Variants in TSPAN11 observed in about 807,000 individuals in gnomAD.
TSPAN11 encodes tetraspanin 11.
A neutral mutation model predicts 32.9 loss-of-function variants in TSPAN11; 29 were observed. The observed-to-expected ratio is 0.88, with a 90% CI of 0.66 to 1.20. The LOEUF is 1.20. Ranked by LOEUF, TSPAN11 falls within the 50% of genes most tolerant of loss-of-function variation. The pLI, the probability that TSPAN11 is intolerant of heterozygous loss-of-function variation, is 0.00. For missense variants in TSPAN11, 283 were observed against 329.1 expected, an observed-to-expected ratio of 0.86 and a Z score of 1.08; for synonymous variants, 140 against 141.3, an observed-to-expected ratio of 0.99 and a Z score of 0.07.
intron 3 of TSPAN11, among the ~76,000 whole-genome samples, chr12:30,964,416 C>T (rs903914313): frequency 1.6e-4 from 25 of 151,814 alleles, no homozygotes; most frequent in Non-Finnish European, 3.2e-4. Context: ...TCCCCTTCTC[C>T]TCTCCCTCTC....
chr12:30,941,198 T>C (rs1262851552), intron 1 of TSPAN11, among the ~76,000 whole-genome samples: 44 of 152,178 alleles, frequency 2.9e-4, no homozygotes, highest in Admixed American at 2.9e-3. Flanking sequence ...GCAAAACCCA[T>C]ATATACAGAG....
chr12:30,971,223 T>G (rs1283851936), intron 3 of TSPAN11, among the ~76,000 whole-genome samples: 1 of 152,226 alleles, frequency 6.6e-6, no homozygotes, highest in African/African-American at 2.4e-5. Flanking sequence ...TTATTCAGAA[T>G]GGCTGGAGAT....
At chr12:31,009,111 G>A in the TSPAN11 span, among the ~76,000 whole-genome samples, 1 of 151,328 alleles carries the variant, frequency 6.6e-6, no homozygotes, top group East Asian at 1.9e-4. Flanking sequence ...CTCTTCCCCT[G>A]GAGCCTCCCC....
At chr12:30,945,866 G>T (rs1156674660) in intron 1 of TSPAN11, among the ~76,000 whole-genome samples, 1 of 152,128 alleles carries the variant, frequency 6.6e-6, no homozygotes, top group Non-Finnish European at 1.5e-5. Context: ...GGGCCTGCTG[G>T]CTCCCCCTGA....
chr12:30,959,610 C>T (rs1445465064), intron 2 of TSPAN11, among the ~76,000 whole-genome samples: 2 of 139,204 alleles, frequency 1.4e-5, no homozygotes, highest in African/African-American at 5.7e-5. Context: ...TGATTAAAAC[C>T]CAGGAAAAAA....
At chr12:30,958,124 T>G (rs1244539052) in intron 2 of TSPAN11, among the ~76,000 whole-genome samples, 3 of 151,998 alleles carry the variant, frequency 2.0e-5, no homozygotes, top group Admixed American at 6.6e-5. Flanking sequence ...GTTTGGAAGA[T>G]GAACAGGTGA....
At chr12:30,986,473 G>A (rs1327684419) in intron 7 of TSPAN11, among the ~76,000 whole-genome samples, 1 of 152,202 alleles carries the variant, frequency 6.6e-6, no homozygotes, top group African/African-American at 2.4e-5. Context: ...TTCAGGCAGG[G>A]ACAAGCCTAG....
the TSPAN11 span, among the ~76,000 whole-genome samples, chr12:31,014,897 C>T: frequency 6.6e-6 from 1 of 152,100 alleles, no homozygotes; most frequent in East Asian, 1.9e-4. Flanking sequence ...GAAAAGATGA[C>T]AATCACTTCT....
At chr12:30,966,726 T>G (rs989500971) in intron 3 of TSPAN11, among the ~76,000 whole-genome samples, 1 of 152,200 alleles carries the variant, frequency 6.6e-6, no homozygotes, top group Non-Finnish European at 1.5e-5. Context: ...TGGAGAGGTC[T>G]TCATGGAGCA....
rs147698132 is a variant in TSPAN11 at position 30,975,913 on chromosome 12, T to C, written c.277-2648T>C. On this transcript the variant is annotated intron_variant, in intron 3 of 7. Coordinates refer to ENST00000546076, the MANE Select transcript of TSPAN11 (RefSeq NM_001370302.1). This position sits in a 1 kb window ranked among gnomAD's most constrained non-coding sequence, Gnocchi z 4.5. ...CACTGGCATCAATGCCTTCAGGTCC[T>C]GTGCAGCAGGAGGGATCCGGCCTCA... Among the ~76,000 whole-genome samples, 1,222 of 152,280 alleles carry C rather than the reference T, an allele frequency of 8.0e-3. 7 individuals are homozygous for C. Among genetic ancestry groups the C allele is most frequent in the Non-Finnish European group, 0.013 (913 of 68,006 alleles).
intron 2 of TSPAN11, among the ~76,000 whole-genome samples, chr12:30,960,640 A>G (rs1257988823): frequency 1.3e-5 from 2 of 151,998 alleles, no homozygotes; most frequent in East Asian, 3.8e-4. Context: ...ATTACACAAC[A>G]GGGGTGACCT....
intron 1 of TSPAN11, among the ~76,000 whole-genome samples, chr12:30,931,626 TC>T (rs1446630117): frequency 1.3e-5 from 2 of 152,116 alleles, no homozygotes; most frequent in Admixed American, 1.3e-4. Flanking sequence ...ATGCCTGTAA[TC>T]CCAGCACTTT....
the TSPAN11 span, among the ~76,000 whole-genome samples, chr12:31,011,297 CT>C: frequency 1.3e-5 from 2 of 152,134 alleles, no homozygotes; most frequent in African/African-American, 4.8e-5. Context: ...AGGAGGCTGT[CT>C]TTTAGGCAAT....
the TSPAN11 span, among the ~76,000 whole-genome samples, chr12:31,011,789 C>A: frequency 1.3e-3 from 198 of 152,356 alleles, 1 homozygote; most frequent in Non-Finnish European, 1.4e-3. Context: ...TTTGGGGTGG[C>A]ACAGGGACAA....
intron 7 of TSPAN11, among the ~76,000 whole-genome samples, chr12:30,984,087 C>T (rs567648738): frequency 3.9e-5 from 6 of 152,302 alleles, no homozygotes; most frequent in Non-Finnish European, 7.3e-5. Flanking sequence ...GCCTCCTCAG[C>T]GGCAAGGGCC....
intron 7 of TSPAN11, among the ~76,000 whole-genome samples, chr12:30,989,112 A>C (rs55862027): frequency 0.22 from 32,915 of 152,170 alleles, 5,502 homozygotes; most frequent in African/African-American, 0.47. Flanking sequence ...TGCCAGGGCC[A>C]CATTGCAGGC....
At chr12:30,942,846 A>G (rs1036752287) in intron 1 of TSPAN11, among the ~76,000 whole-genome samples, 4 of 152,164 alleles carry the variant, frequency 2.6e-5, no homozygotes, top group African/African-American at 7.2e-5. Context: ...TGCACCATCC[A>G]TGTGACTCTG....
the TSPAN11 span, chr12:31,015,744 A>G: frequency 6.6e-6 from 1 of 152,080 alleles, no homozygotes; most frequent in Non-Finnish European, 1.5e-5. The surrounding 1 kb of genome is among the most constrained non-coding windows in gnomAD (Gnocchi z 4.9). Context: ...GATCAACTTT[A>G]TTACTACAAT....
chr12:30,927,014 G>A, intron 1 of TSPAN11: 1 of 1,284,400 alleles, frequency 7.8e-7, no homozygotes, highest in Non-Finnish European at 1.0e-6. Context: ...AGGTATTGGT[G>A]TCTGCATGGG....
Sources: allele counts gnomAD v4.1 joint callset (sites outside exome capture counted in the v4.1 genomes callset), GRCh38; gene constraint gnomAD v4.1.1; non-coding constraint Gnocchi (gnomAD v3.1); transcripts MANE v1.5; gene names NCBI Gene and HGNC (gene_info 2026-07-23, HGNC 2026-07-21).